Variants in ASIC4 observed in about 807,000 individuals in gnomAD.
ASIC4 encodes the protein acid-sensing ion channel 4.
A neutral mutation model predicts 53.4 loss-of-function variants in ASIC4; 28 were observed. The observed-to-expected ratio is 0.52, with a 90% CI of 0.39 to 0.72. The LOEUF is 0.72. ASIC4 is among the 30% of genes least tolerant of loss of function. The pLI, the probability that ASIC4 is intolerant of heterozygous loss-of-function variation, is 0.00. For missense variants in ASIC4, 649 were observed against 729.7 expected, an observed-to-expected ratio of 0.89 and a Z score of 1.27; for synonymous variants, 289 against 301.4, an observed-to-expected ratio of 0.96 and a Z score of 0.43.
At chr2:219,523,927 G>C (rs1313341385) in intron 1 of ASIC4, among the ~76,000 whole-genome samples, 1 of 151,930 alleles carries the variant, frequency 6.6e-6, no homozygotes, top group East Asian at 1.9e-4. Context: ...AGACTCAAGA[G>C]ATCCTCCCAC....
At chr2:219,522,873 A>T (rs1694909996) in intron 1 of ASIC4, among the ~76,000 whole-genome samples, 1 of 152,034 alleles carries the variant, frequency 6.6e-6, no homozygotes, top group Non-Finnish European at 1.5e-5. Flanking sequence ...AGGAGAGCGG[A>T]GGAGCCCGCA....
At chr2:219,529,960 T>TCA (rs1446785613) in intron 1 of ASIC4, among the ~76,000 whole-genome samples, 1 of 151,980 alleles carries the variant, frequency 6.6e-6, no homozygotes, top group Non-Finnish European at 1.5e-5. Flanking sequence ...CTAGGAGGTC[T>TCA]CAGGAGGACT....
chr2:219,513,543 CA>C (rs1252540926), upstream of ASIC4, among the ~76,000 whole-genome samples: 1 of 152,208 alleles, frequency 6.6e-6, no homozygotes, highest in East Asian at 1.9e-4. Context: ...TGCTCCCTTC[CA>C]CGCCCCCACT....
the ASIC4 span, among the ~76,000 whole-genome samples, chr2:219,508,577 C>A: frequency 6.6e-6 from 1 of 151,662 alleles, no homozygotes; most frequent in Non-Finnish European, 1.5e-5. Context: ...AAGGACATGC[C>A]CCCCCCACTC....
upstream of ASIC4, chr2:219,514,352 C>T (rs949728516): frequency 1.1e-5 from 17 of 1,545,444 alleles, no homozygotes; most frequent in Admixed American, 8.1e-5. Flanking sequence ...ACATGCTGAG[C>T]GGAGCGGCTG....
At chr2:219,532,505 C>G in intron 4 of ASIC4, 28 bp downstream of exon 4, 1 of 1,598,474 alleles carries the variant, frequency 6.3e-7, no homozygotes, top group South Asian at 1.1e-5. Context: ...AGCCAGCCCT[C>G]CATGCCACCC....
rs1694814471 is a variant in ASIC4 at position 219,517,512 on chromosome 2, C to T, written c.582+2206C>T. 6.6e-6 allele frequency among the ~76,000 whole-genome samples: 1 copy of T among 152,222 alleles called. No individual in the cohort carries two copies. Among genetic ancestry groups the T allele is most frequent in the Admixed American group, 6.5e-5 (1 of 15,284 alleles). On this transcript the variant is annotated intron_variant, in intron 1 of 9. Transcript: ENST00000358078. The surrounding 1 kb of genome is among the most constrained non-coding windows in gnomAD (Gnocchi z 4.2). ...TACTCTTCTGCACATACTGCATCCC[C>T]CGTCTGCTGAGTGTAACTCTGTCTT... is the stretch of plus-strand genomic sequence containing the variant.
chr2:219,534,033 A>AAC (rs1695086955), intron 5 of ASIC4: 1 of 87,476 alleles, frequency 1.1e-5, no homozygotes, highest in Non-Finnish European at 2.3e-5. Flanking sequence ...CCCTGTCTCA[A>AAC]AAAAAAAAAA....
In ASIC4 at chr2:219,538,054, C is replaced by G; in HGVS notation, c.*8C>G. ...GAAGATTTTGCTTGCTAGGACGGTG[C>G]TGTGACTGAAAGGACCCAGGAGTCT... On this transcript the variant is annotated 3_prime_UTR_variant, in exon 10 of 10. Coordinates refer to ENST00000358078, the MANE Select transcript of ASIC4 (RefSeq NM_018674.6). 1.2e-6 allele frequency: 2 copies of G among 1,607,228 alleles called. No individual in the cohort carries two copies. Among genetic ancestry groups the G allele is most frequent in the Non-Finnish European group, 1.7e-6 (2 of 1,175,542 alleles).
intron 1 of ASIC4, among the ~76,000 whole-genome samples, chr2:219,531,119 CAGA>C (rs758207163): frequency 3.3e-5 from 5 of 151,816 alleles, no homozygotes; most frequent in Non-Finnish European, 5.9e-5. Context: ...GAAGCCAAAG[CAGA>C]AGGATTGCTT....
At chr2:219,527,830 T>A (rs2125663694) in intron 1 of ASIC4, among the ~76,000 whole-genome samples, 1 of 152,366 alleles carries the variant, frequency 6.6e-6, no homozygotes, top group East Asian at 1.9e-4. Context: ...TTTGCTTTCC[T>A]TCCTCCCACC....
At chr2:219,533,396 C>G (rs1695075933) in intron 5 of ASIC4, 1 of 209,290 alleles carries the variant, frequency 4.8e-6, no homozygotes, top group Admixed American at 5.2e-5. Context: ...ACAGCCTGTG[C>G]TGGGTACTGG....
intron 1 of ASIC4, among the ~76,000 whole-genome samples, chr2:219,522,220 G>A (rs1694896530): frequency 6.6e-6 from 1 of 152,248 alleles, no homozygotes; most frequent in South Asian, 2.1e-4. Flanking sequence ...GGAGCCACGG[G>A]ATGATTAAGG....
chr2:219,519,223 G>A (rs1000076930), intron 1 of ASIC4, among the ~76,000 whole-genome samples: 1 of 152,208 alleles, frequency 6.6e-6, no homozygotes, highest in Non-Finnish European at 1.5e-5. Context: ...GGGTTGTTGT[G>A]AGGATTAAAG....
Position 219,531,780 on chromosome 2 carries a change from G to T in ASIC4, c.605G>T (p.Cys202Phe). ...CAGGTCTATACTCGCTATGGGAAGT[G>T]TTACACCTTCAACGCGGACCCGCGG... Reference protein sequence around the residue: ...FSVVYTRYGKCYTFNADPRSS... With the variant: ...FSVVYTRYGKFYTFNADPRSS... Residue 202 changes from cysteine to phenylalanine, a missense_variant, in exon 2 of 10, where the codon TGT (cysteine) becomes TTT (phenylalanine). Coordinates refer to ENST00000358078, the MANE Select transcript of ASIC4 (RefSeq NM_018674.6). 6.2e-7 allele frequency: 1 copy of T among 1,609,378 alleles called. No individual in the cohort carries two copies. Among genetic ancestry groups the T allele is most frequent in the Non-Finnish European group, 8.5e-7 (1 of 1,177,736 alleles).
chr2:219,524,497 A>G (rs1329385324), intron 1 of ASIC4, among the ~76,000 whole-genome samples: 1 of 152,254 alleles, frequency 6.6e-6, no homozygotes, highest in Non-Finnish European at 1.5e-5. Context: ...TAAGGGGTTA[A>G]TCTATATAAA....
intron 1 of ASIC4, among the ~76,000 whole-genome samples, chr2:219,526,470 A>G (rs1455568380): frequency 1.3e-5 from 2 of 152,194 alleles, no homozygotes; most frequent in Non-Finnish European, 2.9e-5. Flanking sequence ...GCAAGGGACA[A>G]AAAGGTCAGG....
chr2:219,531,966 A>G, intron 2 of ASIC4, 35 bp from the exon 3 acceptor site: 1 of 1,613,618 alleles, frequency 6.2e-7, no homozygotes, highest in South Asian at 1.1e-5. Flanking sequence ...TCTGCCTGGG[A>G]TGGGTTTCCA....
chr2:219,515,243 C>T lies in ASIC4; in HGVS notation c.519C>T (p.Leu173=), dbSNP rs778658653. ...TCCTCAACCGCACTGGCCACCAGCT[C>T]GCCGACATGCTTAAGAGCTGCAACT... The part of the protein sequence containing the change: ...VDILNRTGHQ[L]ADMLKSCNFS... The change falls in exon 1 of 10, where the codon CTC becomes CTT. Residue 173 remains leucine (L), a synonymous_variant. Transcript: ENST00000358078. 24 of 1,614,042 alleles carry T rather than the reference C, an allele frequency of 1.5e-5. No individual in the cohort carries two copies. The highest frequency in any genetic ancestry group is 3.3e-5 in the South Asian group (3 of 91,090).
Sources: allele counts gnomAD v4.1 joint callset (sites outside exome capture counted in the v4.1 genomes callset), GRCh38; gene constraint gnomAD v4.1.1; non-coding constraint Gnocchi (gnomAD v3.1); transcripts MANE v1.5; gene names NCBI Gene and HGNC (gene_info 2026-07-23, HGNC 2026-07-21).